MYO9A: variants seen among roughly 807,000 people sequenced by gnomAD.
The protein encoded by MYO9A is myosin IXA, also known as unconventional myosin-IXa.
Under a neutral mutation model 293.3 loss-of-function variants are expected in MYO9A, and 103 were observed. The observed-to-expected ratio is 0.35, with a 90% CI of 0.30 to 0.41. The LOEUF is 0.41. Ranked by LOEUF, MYO9A falls within the 10% of genes least tolerant of loss-of-function variation. The pLI is 1.00. For missense variants in MYO9A, 2,685 were observed against 3,033.0 expected (o/e 0.89, Z 2.69); for synonymous variants, 1,001 against 1,035.7 (o/e 0.97, Z 0.64).
chr15:72,042,521 G>C (rs1458075917), intron 2 of MYO9A, among the ~76,000 whole-genome samples: 1 of 152,062 alleles, frequency 6.6e-6, no homozygotes. Flanking sequence ...CAATGTGACA[G>C]AGAATTTACA....
At chr15:72,038,732 T>G (rs546531211) in intron 2 of MYO9A, among the ~76,000 whole-genome samples, 5 of 152,332 alleles carry the variant, frequency 3.3e-5, no homozygotes, top group African/African-American at 1.2e-4. Context: ...TGCCCATCAC[T>G]GTACAATCAA....
intron 15 of MYO9A, among the ~76,000 whole-genome samples, chr15:71,949,421 G>GT (rs1164123045): frequency 0.03 from 4,061 of 133,406 alleles, 125 homozygotes; most frequent in African/African-American, 0.084. Flanking sequence ...GTGTTTTTTT[G>GT]TTTTTTTTTT....
At chr15:71,860,419 A>C (rs1567205389) in intron 33 of MYO9A, among the ~76,000 whole-genome samples, 1 of 152,244 alleles carries the variant, frequency 6.6e-6, no homozygotes, top group Non-Finnish European at 1.5e-5. Flanking sequence ...GAGTGGTGAT[A>C]ACCCAGAGTA....
At chr15:71,899,258 G>C (rs949691145) in intron 24 of MYO9A, among the ~76,000 whole-genome samples, 1 of 152,132 alleles carries the variant, frequency 6.6e-6, no homozygotes, top group Non-Finnish European at 1.5e-5. Context: ...CAGTCAAAAT[G>C]TAAACTAATT....
At chr15:72,021,081 G>A in intron 4 of MYO9A, 64 bp from the exon 5 acceptor site, 1 of 998,894 alleles carries the variant, frequency 1.0e-6, no homozygotes, top group East Asian at 2.8e-5. Context: ...TTAACAGGGG[G>A]AGGGGGGAAG....
At chr15:71,998,288 A>G (rs1211723880) in intron 9 of MYO9A, among the ~76,000 whole-genome samples, 6 of 152,206 alleles carry the variant, frequency 3.9e-5, no homozygotes, top group African/African-American at 1.4e-4. Context: ...ACGGAGACAT[A>G]AAGGGGGTGA....
intron 31 of MYO9A, among the ~76,000 whole-genome samples, chr15:71,876,123 A>AT (rs1226463061): frequency 2.0e-5 from 3 of 151,700 alleles, no homozygotes; most frequent in African/African-American, 7.2e-5. Context: ...AATTTAAATG[A>AT]TTGTTTTATT....
intron 11 of MYO9A, among the ~76,000 whole-genome samples, chr15:71,987,678 T>C (rs1012405621): frequency 6.6e-6 from 1 of 152,174 alleles, no homozygotes; most frequent in Non-Finnish European, 1.5e-5. Flanking sequence ...TGTACTCCTT[T>C]TGGACAAAAT....
intron 1 of MYO9A, among the ~76,000 whole-genome samples, chr15:72,115,086 T>C (rs1022701725): frequency 6.6e-6 from 1 of 152,212 alleles, no homozygotes; most frequent in African/African-American, 2.4e-5. Context: ...GGAAAACAAC[T>C]GTTAAAAATT....
At chr15:72,015,522 C>T (rs2077305290) in intron 6 of MYO9A, among the ~76,000 whole-genome samples, 1 of 151,970 alleles carries the variant, frequency 6.6e-6, no homozygotes, top group African/African-American at 2.4e-5. Context: ...AGGTCAAATC[C>T]CTTTGCAGCA....
intron 15 of MYO9A, among the ~76,000 whole-genome samples, chr15:71,951,291 GACAAA>G: frequency 6.6e-6 from 1 of 152,266 alleles, no homozygotes; most frequent in South Asian, 2.1e-4. Context: ...AAAGGGCTAT[GACAAA>G]ACTTTTTGGG....
chr15:71,933,878 C>G (rs969352885), intron 17 of MYO9A, among the ~76,000 whole-genome samples, 169 bp from the exon 18 acceptor site: 1 of 152,048 alleles, frequency 6.6e-6, no homozygotes, highest in African/African-American at 2.4e-5. Context: ...GCCAAGCAGG[C>G]ACCTTGGGAA....
chr15:71,845,265 T>C (rs1474657681), intron 39 of MYO9A, among the ~76,000 whole-genome samples: 2 of 148,362 alleles, frequency 1.3e-5, no homozygotes, highest in Admixed American at 6.6e-5. Context: ...CCTGCAGTTA[T>C]GGTTCACCAG....
chr15:71,924,542 C>T (rs2058241373), intron 18 of MYO9A, among the ~76,000 whole-genome samples: 1 of 151,972 alleles, frequency 6.6e-6, no homozygotes, highest in African/African-American at 2.4e-5. Flanking sequence ...GCCCCCGGCT[C>T]CCAATTTGAA....
chr15:71,853,250 G>GA (rs2055731133), intron 35 of MYO9A, among the ~76,000 whole-genome samples: 1 of 152,118 alleles, frequency 6.6e-6, no homozygotes, highest in South Asian at 2.1e-4. Flanking sequence ...CATGACAAAT[G>GA]AAAAAACGCA....
chr15:71,877,686 G>C lies in MYO9A; in HGVS notation c.5931+354C>G, dbSNP rs72746310. On this transcript the variant is annotated intron_variant, in intron 31 of 41. Coordinates refer to ENST00000356056, the MANE Select transcript of MYO9A (RefSeq NM_006901.4). ...TTGACCAGGCTGGTCTCGAACTCCT[G>C]ATTTCAAGTTCTCTGCCAATCTAGG... is the stretch of plus-strand genomic sequence containing the variant. Among the ~76,000 whole-genome samples the C allele has an allele frequency of 2.0e-3, 310 of 152,202 alleles. 1 individual carries two copies. The highest frequency in any genetic ancestry group is 5.7e-3 in the Admixed American group (87 of 15,280).
chr15:71,984,958 C>T (rs1052269066), intron 11 of MYO9A, among the ~76,000 whole-genome samples: 1 of 152,174 alleles, frequency 6.6e-6, no homozygotes, highest in African/African-American at 2.4e-5. Flanking sequence ...CTCACTCTGT[C>T]ACTCAGGCTG....
chr15:72,045,815 T>C lies in MYO9A; in HGVS notation c.749A>G (p.Asn250Ser), dbSNP rs781625258. 2 of 1,614,020 alleles carry C rather than the reference T, an allele frequency of 1.2e-6. No individual in the cohort carries two copies. The highest frequency in any genetic ancestry group is 2.7e-5 in the African/African-American group (2 of 74,928). ...AGCAGTAAGGTGGTGAATAAGAAAG[T>C]TTGTGCTTTGAGTCTTCCCAGAACC... ...ESGSGKTQST[N>S]FLIHHLTALS... The change falls in exon 2 of 42, where the codon AAC (asparagine) becomes AGC (serine). Residue 250 changes from asparagine to serine, a missense_variant. Around this residue, in one of 10 missense-constraint regions of MYO9A, gnomAD observed 289 missense variants for 456.8 expected, o/e 0.63. Transcript: ENST00000356056.
intron 1 of MYO9A, among the ~76,000 whole-genome samples, chr15:72,062,323 A>T (rs2078901267): frequency 6.6e-6 from 1 of 152,208 alleles, no homozygotes; most frequent in Admixed American, 6.5e-5. Context: ...AGGCATCAAG[A>T]CCATCCAGGA....
Sources: allele counts gnomAD v4.1 joint callset (sites outside exome capture counted in the v4.1 genomes callset), GRCh38; gene constraint gnomAD v4.1.1; regional missense constraint gnomAD v4.1.1; transcripts MANE v1.5; gene names NCBI Gene and HGNC (gene_info 2026-07-23, HGNC 2026-07-21).